The following CDC16 variants were observed in gnomAD, a reference collection of about 807,000 sequenced individuals.
CDC16 encodes the protein cell division cycle protein 16 homolog.
Under a neutral mutation model 87.0 loss-of-function variants are expected in CDC16, and 34 were observed. That is an observed-to-expected ratio of 0.39 (90% CI 0.30 to 0.52). CDC16 has a LOEUF of 0.52. CDC16 is among the 20% of genes least tolerant of loss of function. The pLI is 0.74. For missense variants in CDC16, 653 were observed against 751.9 expected (o/e 0.87, Z 1.54); for synonymous variants, 263 against 260.6 (o/e 1.01, Z -0.09).
chr13:114,248,775 G>C (rs1046874390), intron 11 of CDC16, among the ~76,000 whole-genome samples: 22 of 152,108 alleles, frequency 1.4e-4, no homozygotes, highest in African/African-American at 5.3e-4. Flanking sequence ...CCTGTACTAG[G>C]AAGAAACTAG....
chr13:114,250,448 C>A, intron 11 of CDC16, 101 bp from the exon 12 acceptor site: 1 of 1,090,902 alleles, frequency 9.2e-7, no homozygotes, highest in Non-Finnish European at 1.3e-6. Flanking sequence ...GCCGAGATCG[C>A]ACCACTGCAC....
At chr13:114,252,109 A>ATAAGAGCCCTACACTG (rs2082220044) in intron 12 of CDC16, among the ~76,000 whole-genome samples, 1 of 148,266 alleles carries the variant, frequency 6.7e-6, no homozygotes, top group Admixed American at 7.6e-5. Context: ...GCCCTACACT[A>ATAAGAGCCCTACACTG]GCCCTGTTGG....
chr13:114,268,301 G>A (rs949504986), intron 17 of CDC16, among the ~76,000 whole-genome samples: 1 of 152,230 alleles, frequency 6.6e-6, no homozygotes, highest in Non-Finnish European at 1.5e-5. Flanking sequence ...ATATGTTACT[G>A]GTGTGGAAGG....
At chr13:114,263,061 C>G (rs1385481364) in intron 16 of CDC16, 47 bp downstream of exon 16, 2 of 1,532,160 alleles carry the variant, frequency 1.3e-6, no homozygotes, top group African/African-American at 2.8e-5. Context: ...TAACATTGAC[C>G]ACTTCCTTTT....
At chr13:114,244,720 T>TA (rs1460526866) in intron 8 of CDC16, 170 bp from the exon 9 acceptor site, 1 of 418,356 alleles carries the variant, frequency 2.4e-6, no homozygotes, top group Non-Finnish European at 4.3e-6. Context: ...ATTTGTAACT[T>TA]AATTATGGCC....
intron 17 of CDC16, 23 bp from the exon 18 acceptor site, chr13:114,272,161 C>T: frequency 1.5e-6 from 2 of 1,290,760 alleles, no homozygotes; most frequent in Non-Finnish European, 2.2e-6. Flanking sequence ...TTATTTTATT[C>T]TAATTATAGT....
intron 9 of CDC16, 42 bp from the exon 10 acceptor site, chr13:114,245,958 G>T: frequency 3.8e-6 from 4 of 1,060,222 alleles, no homozygotes; most frequent in Non-Finnish European, 5.7e-6. Context: ...TAAATTACAT[G>T]TGATACGAAC....
In CDC16 at chr13:114,236,851, A is replaced by G; in HGVS notation, c.156A>G (p.Gln52=). Reference sequence around the variant, plus strand: ...CTCAGTGTCTTTACCTGACAGCACAATATCACAGAGCCGCCCATGCACTTC... The same window carrying G: ...CTCAGTGTCTTTACCTGACAGCACAGTATCACAGAGCCGCCCATGCACTTC... ...WLAQCLYLTA[Q]YHRAAHALRS... Residue 52 remains glutamine (Q), a synonymous_variant, in exon 3 of 18, where the codon CAA becomes CAG. Coordinates refer to ENST00000356221, the MANE Select transcript of CDC16 (RefSeq NM_001078645.3). 2 of 1,609,114 alleles carry G rather than the reference A, an allele frequency of 1.2e-6. No individual in the cohort carries two copies. The highest frequency in any genetic ancestry group is 1.1e-5 in the South Asian group (1 of 89,906).
chr13:114,239,072 G>A (rs962868415), intron 4 of CDC16, 44 bp downstream of exon 4: 1 of 1,600,106 alleles, frequency 6.2e-7, no homozygotes, highest in African/African-American at 1.4e-5. Context: ...TGAATAAAAT[G>A]AGTGTTATGC....
At chr13:114,251,890 A>G (rs2082198688) in intron 12 of CDC16, among the ~76,000 whole-genome samples, 1 of 152,158 alleles carries the variant, frequency 6.6e-6, no homozygotes. Flanking sequence ...AGAACCTTAC[A>G]CGAACCCTAT....
At chr13:114,270,727 G>T (rs1409025049) in intron 17 of CDC16, among the ~76,000 whole-genome samples, 1 of 152,090 alleles carries the variant, frequency 6.6e-6, no homozygotes, top group African/African-American at 2.4e-5. Context: ...TTAAGCTCTG[G>T]TTTCTGAGAG....
chr13:114,242,633 T>C, intron 6 of CDC16: 1 of 198,032 alleles, frequency 5.0e-6, no homozygotes, highest in Non-Finnish European at 1.0e-5. Context: ...CCAGAGCAGA[T>C]GCTTTAAAGC....
At chr13:114,254,211 A>G (rs1227182458) in intron 12 of CDC16, among the ~76,000 whole-genome samples, 2 of 152,184 alleles carry the variant, frequency 1.3e-5, no homozygotes, top group African/African-American at 4.8e-5. Context: ...TGTTGACAAC[A>G]TACAGTTAGA....
At chr13:114,249,307 G>A (rs1312963226) in intron 11 of CDC16, among the ~76,000 whole-genome samples, 1 of 151,156 alleles carries the variant, frequency 6.6e-6, no homozygotes, top group Middle Eastern at 3.2e-3. Context: ...CAAGTGAAGG[G>A]GAGTGGCTGT....
rs368586457 is a variant in CDC16, at chr13:114,244,434, C to T, written c.767+445C>T. On this transcript the variant is annotated intron_variant, in intron 8 of 17. Coordinates refer to ENST00000356221, the MANE Select transcript of CDC16 (RefSeq NM_001078645.3). ...ATGCTATTTTTTGTAGATCTTGGTT[C>T]GGTTTAAAATCCTTGAAATTACAAA... The T allele has an allele frequency of 9.4e-5, 15 of 159,804 alleles. No homozygotes were observed. In the East Asian group the frequency reaches 1.1e-3, roughly 12 times the overall value. 9.9% of individuals were successfully genotyped at this position (159,804 alleles called of 1,614,324 possible). A position where few individuals can be genotyped will look rare whatever the true frequency, so the allele number is the denominator to read the frequency against.
chr13:114,257,337 T>G, intron 13 of CDC16, 107 bp downstream of exon 13: 1 of 686,666 alleles, frequency 1.5e-6, no homozygotes, highest in Non-Finnish European at 2.3e-6. Context: ...GATTTGTACT[T>G]TTAAATGTTC....
At chr13:114,241,577 A>G (rs1319274873) in intron 5 of CDC16, among the ~76,000 whole-genome samples, 1 of 152,238 alleles carries the variant, frequency 6.6e-6, no homozygotes, top group Admixed American at 6.5e-5. Context: ...CGTGACATGT[A>G]CTTTTGTTAT....
intron 3 of CDC16, 118 bp from the exon 4 acceptor site, chr13:114,238,872 C>A: frequency 7.7e-7 from 1 of 1,299,594 alleles, no homozygotes; most frequent in Non-Finnish European, 1.0e-6. Flanking sequence ...TTTTTTTTAA[C>A]TGCAAGAGTA....
intron 11 of CDC16, among the ~76,000 whole-genome samples, chr13:114,247,987 T>G (rs1374002668): frequency 6.6e-6 from 1 of 152,242 alleles, no homozygotes; most frequent in African/African-American, 2.4e-5. Flanking sequence ...AACCTTTTAC[T>G]TTTAGGATTT....
Sources: allele counts gnomAD v4.1 joint callset (sites outside exome capture counted in the v4.1 genomes callset), GRCh38; gene constraint gnomAD v4.1.1; transcripts MANE v1.5; gene names NCBI Gene and HGNC (gene_info 2026-07-23, HGNC 2026-07-21).